KMT2C: variants seen among roughly 807,000 people sequenced by gnomAD.
KMT2C encodes lysine methyltransferase 2C.
KMT2C carries 88 observed loss-of-function variants against 507.9 expected under a neutral mutation model. The observed-to-expected ratio is 0.17, with a 90% CI of 0.15 to 0.21. The LOEUF (loss-of-function observed/expected upper bound fraction) is 0.21, where lower values mean the gene tolerates loss of function less well. KMT2C is among the 10% of genes least tolerant of loss of function. The pLI is 1.00. For missense variants in KMT2C, 4,954 were observed against 5,957.8 expected (o/e 0.83, Z 5.55); for synonymous variants, 2,049 against 2,080.8 (o/e 0.98, Z 0.42).
At chr7:152,156,423 A>G in intron 44 of KMT2C, 77 bp from the exon 45 acceptor site, 6 of 1,545,980 alleles carry the variant, frequency 3.9e-6, no homozygotes, top group Non-Finnish European at 5.2e-6. Context: ...TAGTTCTGTG[A>G]ATTTTTTGCA....
rs750849305 is a variant in KMT2C, at chr7:152,252,645, T to C, written c.1370A>G (p.Asp457Gly). The C allele has an allele frequency of 2.5e-6, 4 of 1,612,312 alleles. No homozygotes were observed. Among genetic ancestry groups the C allele is most frequent in the Non-Finnish European group, 3.4e-6 (4 of 1,178,432 alleles). ...GTTATCCTGCTGTTGGTAACAATTG[T>C]CACATATCAGGCAATTGTGGTGCCA... ...SQWHHNCLIC[D>G]NCYQQQDNLC... is the part of the protein sequence containing the mutation. The change falls in exon 10 of 59, where the codon GAC (aspartate) becomes GGC (glycine). Residue 457 changes from aspartate to glycine, a missense_variant. Physicochemically the swap from Asp to Gly is moderately conservative, Grantham distance 94. Around this residue, in one of 29 missense-constraint regions of KMT2C, gnomAD observed 376 missense variants for 352.4 expected, o/e 1.07. Transcript: ENST00000262189.
intron 6 of KMT2C, among the ~76,000 whole-genome samples, chr7:152,274,613 T>G (rs1395103738): frequency 6.6e-6 from 1 of 152,234 alleles, no homozygotes; most frequent in Admixed American, 6.5e-5. Flanking sequence ...AGTTTTCCCT[T>G]AGAATGATTC....
chr7:152,184,321 G>A (rs1206693507), intron 34 of KMT2C, among the ~76,000 whole-genome samples: 1 of 151,972 alleles, frequency 6.6e-6, no homozygotes, highest in Non-Finnish European at 1.5e-5. Flanking sequence ...TATGTGCACT[G>A]GGGAACAAGC....
intron 1 of KMT2C, among the ~76,000 whole-genome samples, chr7:152,417,786 C>T (rs528329514): frequency 1.6e-4 from 24 of 151,642 alleles, no homozygotes; most frequent in South Asian, 6.3e-4. Context: ...GGACTAGAGG[C>T]GCCTGCCACC....
intron 1 of KMT2C, chr7:152,366,816 C>T: frequency 4.4e-6 from 1 of 227,626 alleles, no homozygotes; most frequent in Non-Finnish European, 8.6e-6. Flanking sequence ...TCGGCCCGGC[C>T]GCCGCCGCCC....
At chr7:152,210,715 A>C (rs1384369972) in intron 23 of KMT2C, among the ~76,000 whole-genome samples, 1 of 152,146 alleles carries the variant, frequency 6.6e-6, no homozygotes, top group Non-Finnish European at 1.5e-5. Flanking sequence ...TAACAGACTA[A>C]GTAGGAAGAA....
At chr7:152,425,404 C>T (rs1004341792) in intron 1 of KMT2C, among the ~76,000 whole-genome samples, 6 of 152,110 alleles carry the variant, frequency 3.9e-5, no homozygotes, top group Admixed American at 1.3e-4. Context: ...GGTGAAACCC[C>T]ATCTCCATTA....
intron 55 of KMT2C, among the ~76,000 whole-genome samples, chr7:152,140,595 C>G (rs1045355680): frequency 2.6e-5 from 4 of 152,104 alleles, no homozygotes; most frequent in Admixed American, 6.5e-5. Context: ...CAACTGAATG[C>G]AAAAGTACTA....
rs1186170235 is a variant in KMT2C, at chr7:152,364,611, A to AAAAAAAAAAAG, written c.162-5937_162-5936insCTTTTTTTTTT. ...GTGACAGAGCGAGACTCCGTCTCCAAAAAAAAAAAGAAAAGAAAAAAAGAA... is the reference window on the plus strand; with the variant it reads ...GTGACAGAGCGAGACTCCGTCTCCAAAAAAAAAAAAGAAAAAAAAAGAAAAGAAAAAAAGAA... On this transcript the variant is annotated intron_variant, in intron 1 of 58. Coordinates refer to ENST00000262189, the MANE Select transcript of KMT2C (RefSeq NM_170606.3). Among the ~76,000 whole-genome samples the AAAAAAAAAAAG allele has an allele frequency of 6.7e-3, 995 of 149,350 alleles. 36 individuals are homozygous for AAAAAAAAAAAG. Among genetic ancestry groups the AAAAAAAAAAAG allele is most frequent in the African/African-American group, 0.024 (960 of 40,356 alleles).
At position 152,162,491 on chromosome 7, in the gene KMT2C, G is replaced by C. The variant is rs199794270; in HGVS notation, c.11086C>G (p.Gln3696Glu). The C allele has an allele frequency of 1.5e-5, 25 of 1,614,114 alleles. No homozygotes were observed. Among genetic ancestry groups the C allele is most frequent in the South Asian group, 2.2e-5 (2 of 91,084 alleles). Residue 3696 changes from glutamine to glutamate, a missense_variant, in exon 43 of 59, where the codon CAA (glutamine) becomes GAA (glutamate). Gln to Glu is a conservative substitution (Grantham distance 29, BLOSUM62 2). Coordinates refer to ENST00000262189, the MANE Select transcript of KMT2C (RefSeq NM_170606.3). The part of the protein sequence containing the change: ...NSDFSQATPN[Q>E]QTYANSEVDK... ...ACTTCTGAATTTGCATACGTCTGTT[G>C]ATTTGGAGTTGCTTGTGAGAAATCA... is the stretch of plus-strand genomic sequence containing the variant.
chr7:152,314,337 T>C (rs893372768), intron 4 of KMT2C, among the ~76,000 whole-genome samples: 9 of 152,152 alleles, frequency 5.9e-5, no homozygotes, highest in African/African-American at 2.2e-4. Context: ...CAGTGTTAGC[T>C]TTGCAAGCTA....
At chr7:152,292,366 T>C (rs969541408) in intron 6 of KMT2C, among the ~76,000 whole-genome samples, 12 of 152,208 alleles carry the variant, frequency 7.9e-5, no homozygotes, top group African/African-American at 1.2e-4. Context: ...ACTGTAACTA[T>C]GTCATTGTGA....
chr7:152,219,479 C>T (rs1365499625), intron 23 of KMT2C, among the ~76,000 whole-genome samples: 12 of 151,892 alleles, frequency 7.9e-5, no homozygotes, highest in South Asian at 2.1e-4. Context: ...GCTGCAGTGG[C>T]GCATGCCTAT....
At chr7:152,158,019 G>C (rs1460617651) in intron 44 of KMT2C, 7 of 856,418 alleles carry the variant, frequency 8.2e-6, no homozygotes, top group Non-Finnish European at 9.5e-6. Context: ...GTTGAATAAG[G>C]CTTCAGAAAA....
chr7:152,213,057 A>C (rs958646349), intron 23 of KMT2C, among the ~76,000 whole-genome samples: 2 of 152,150 alleles, frequency 1.3e-5, no homozygotes, highest in African/African-American at 4.8e-5. Flanking sequence ...CAAAAAACAG[A>C]AAAAAAACTA....
intron 13 of KMT2C, among the ~76,000 whole-genome samples, chr7:152,248,838 C>T (rs2095517904): frequency 1.3e-5 from 2 of 152,142 alleles, no homozygotes; most frequent in African/African-American, 4.8e-5. Context: ...TGTTTTACAA[C>T]TTAAGGATTT....
In KMT2C at chr7:152,194,914, G is replaced by A. The variant is rs542282213; in HGVS notation, c.4379-346C>T. On this transcript the variant is annotated intron_variant, in intron 28 of 58. Coordinates refer to ENST00000262189, the MANE Select transcript of KMT2C (RefSeq NM_170606.3). The stretch of plus-strand genomic sequence containing the variant: ...GATATGCAAATAATTGCTTTAATTT[G>A]GAAAATAGTGTTATCAAATGTACAG... Among the ~76,000 whole-genome samples the A allele has an allele frequency of 2.4e-4, 37 of 151,344 alleles. 1 individual carries two copies. Among genetic ancestry groups the A allele is most frequent in the African/African-American group, 8.7e-4 (36 of 41,324 alleles).
chr7:152,206,301 C>T lies in KMT2C; in HGVS notation c.3841+999G>A, dbSNP rs552710064. ...GAGGCAGAGGAAAAGAAAAAAAAAA[C>T]GGTAAATACAAGTTCCTGGAAGAAA... On this transcript the variant is annotated intron_variant, in intron 24 of 58. Coordinates refer to ENST00000262189, the MANE Select transcript of KMT2C (RefSeq NM_170606.3). Among the ~76,000 whole-genome samples the T allele has an allele frequency of 2.2e-4, 34 of 151,310 alleles. 1 individual carries two copies. The highest frequency in any genetic ancestry group is 2.1e-3 in the South Asian group (10 of 4,808).
At chr7:152,271,111 C>A (rs1255616741) in intron 7 of KMT2C, among the ~76,000 whole-genome samples, 3 of 152,064 alleles carry the variant, frequency 2.0e-5, no homozygotes, top group African/African-American at 7.2e-5. Context: ...ATACAAGGCA[C>A]AATGTTATGT....
Sources: allele counts gnomAD v4.1 joint callset (sites outside exome capture counted in the v4.1 genomes callset), GRCh38; gene constraint gnomAD v4.1.1; regional missense constraint gnomAD v4.1.1; transcripts MANE v1.5; gene names NCBI Gene and HGNC (gene_info 2026-07-23, HGNC 2026-07-21).